GIT2: variants seen among roughly 807,000 people sequenced by gnomAD.
GIT2 encodes GIT ArfGAP 2, also known as ARF GTPase-activating protein GIT2.
A neutral mutation model predicts 100.3 loss-of-function variants in GIT2; 32 were observed. The observed-to-expected ratio is 0.32, with a 90% confidence interval of 0.24 to 0.43. The LOEUF is 0.43. GIT2 is among the 20% of genes least tolerant of loss of function. GIT2 has a pLI of 1.00. For synonymous variants in GIT2, 353 were observed against 364.1 expected (o/e 0.97, Z 0.35); for missense variants, 737 against 975.1 (o/e 0.76, Z 3.25).
chr12:109,938,669 G>A, intron 17 of GIT2, 101 bp from the exon 18 acceptor site: 1 of 794,268 alleles, frequency 1.3e-6, no homozygotes, highest in Non-Finnish European at 2.0e-6. Flanking sequence ...GCATGAGCAG[G>A]CTGGTCTCGT....
chr12:109,991,502 AT>A (rs1261235677), intron 2 of GIT2, 124 bp downstream of exon 2: 5 of 711,848 alleles, frequency 7.0e-6, no homozygotes, highest in Non-Finnish European at 1.2e-5. Flanking sequence ...TGGGCATGCC[AT>A]CTCTATTCAA....
chr12:109,981,421 AG>A (rs1886298597), intron 6 of GIT2: 1 of 204,192 alleles, frequency 4.9e-6, no homozygotes, highest in Admixed American at 5.4e-5. Flanking sequence ...TACCATGTGC[AG>A]GCCCCACCCT....
At chr12:109,997,587 TAAAGAA>T (rs1042752410), upstream of GIT2, 42 of 151,866 alleles carry the variant, frequency 2.8e-4, no homozygotes, top group Admixed American at 2.2e-3. Context: ...GAGAGGGAAA[TAAAGAA>T]AAAGAGGAAG....
At chr12:109,969,996 T>C (rs1254148117) in intron 7 of GIT2, among the ~76,000 whole-genome samples, 2 of 152,038 alleles carry the variant, frequency 1.3e-5, no homozygotes, top group Non-Finnish European at 2.9e-5. Flanking sequence ...CCTCAGGTGA[T>C]CCACCCGCCT....
intron 12 of GIT2, among the ~76,000 whole-genome samples, chr12:109,958,611 T>G (rs1880223136): frequency 6.6e-6 from 1 of 152,182 alleles, no homozygotes; most frequent in Admixed American, 6.5e-5. Flanking sequence ...AATAAACCTT[T>G]TCAGAACTTC....
chr12:109,990,319 G>A (rs535334570), intron 2 of GIT2, among the ~76,000 whole-genome samples: 1 of 152,004 alleles, frequency 6.6e-6, no homozygotes, highest in Non-Finnish European at 1.5e-5. Flanking sequence ...GTTGCTTTAG[G>A]GTCAACCCTG....
chr12:109,959,941 A>C lies in GIT2; in HGVS notation c.1005T>G (p.Ala335=). The change falls in exon 12 of 20, where the codon GCT becomes GCG. Residue 335 remains alanine, a synonymous_variant. Transcript: ENST00000355312. ...TGGCAAACTCATGGGCGTTGAACCG[A>C]GCTAACTTCTGTCTGCCCTAAAGGT... ...STRNQGRQKL[A]RFNAHEFATL... 6.2e-7 allele frequency: 1 copy of C among 1,612,780 alleles called. No individual in the cohort carries two copies. Among genetic ancestry groups the C allele is most frequent in the Non-Finnish European group, 8.5e-7 (1 of 1,178,726 alleles).
chr12:109,933,942 A>C lies in GIT2; in HGVS notation c.2067+80T>G. 1 of 822,860 alleles carries C rather than the reference A, an allele frequency of 1.2e-6. No individual in the cohort carries two copies. Among genetic ancestry groups the C allele is most frequent in the Non-Finnish European group, 2.2e-6 (1 of 459,736 alleles). The allele number at this position is 822,860 out of a possible 1,614,324, so 51.0% of individuals were successfully genotyped here. ...AAACTGCATGTGCTACAAAAAAGCT[A>C]ATGTAATATATAGGTCATAAAGAAA... is the stretch of plus-strand genomic sequence containing the variant. On this transcript the variant is annotated intron_variant, in intron 19 of 19. Coordinates refer to ENST00000355312, the MANE Select transcript of GIT2 (RefSeq NM_057169.5). The surrounding 1 kb of genome is among the most constrained non-coding windows in gnomAD (Gnocchi z 4.5).
Position 109,939,150 on chromosome 12 carries a change from G to A in GIT2, c.1814+15C>T, listed in dbSNP as rs920680760. ...GGGGAGCCCCTCCCCTGGCACGCTC[G>A]TCCTGTGCATGTACCCCATGCCATC... On this transcript the variant is annotated intron_variant, in intron 17 of 19. Coordinates refer to ENST00000355312, the MANE Select transcript of GIT2 (RefSeq NM_057169.5). 1.0e-5 allele frequency: 16 copies of A among 1,559,716 alleles called. No homozygotes were observed. The highest frequency in any genetic ancestry group is 4.5e-5 in the East Asian group (2 of 44,566).
upstream of GIT2, chr12:109,997,409 C>G (rs943463550): frequency 6.6e-6 from 1 of 151,830 alleles, no homozygotes; most frequent in East Asian, 1.9e-4. Context: ...ACAAAAATAA[C>G]AAAAAAGAAT....
intron 7 of GIT2, among the ~76,000 whole-genome samples, chr12:109,971,267 A>G (rs1171375692): frequency 2.0e-5 from 3 of 152,150 alleles, no homozygotes; most frequent in Non-Finnish European, 2.9e-5. Flanking sequence ...AGTTTTTGGC[A>G]TATAGATACT....
intron 17 of GIT2, 95 bp downstream of exon 17, chr12:109,939,070 G>A (rs1255682946): frequency 8.2e-6 from 6 of 735,104 alleles, no homozygotes; most frequent in Non-Finnish European, 1.5e-5. Context: ...TAGAGAAAAG[G>A]GGTGTGTGTG....
upstream of GIT2, chr12:109,996,387 G>A (rs1889437884): frequency 1.8e-6 from 1 of 542,274 alleles, no homozygotes; most frequent in Non-Finnish European, 3.2e-6. Flanking sequence ...CGCGCGGGGA[G>A]GTGCCCTTCG....
chr12:109,978,698 C>A (rs1240931698), intron 7 of GIT2, among the ~76,000 whole-genome samples: 2 of 152,128 alleles, frequency 1.3e-5, no homozygotes, highest in East Asian at 3.8e-4. Flanking sequence ...CTATTTGGTT[C>A]TCTTCTGTAT....
At chr12:109,935,940 A>C (rs1872840896) in intron 18 of GIT2, among the ~76,000 whole-genome samples, 2 of 152,220 alleles carry the variant, frequency 1.3e-5, no homozygotes, top group Non-Finnish European at 2.9e-5. Context: ...TTCCTCAAAA[A>C]GGTTTTCGTG....
chr12:109,989,150 A>T, intron 3 of GIT2, 82 bp from the exon 4 acceptor site: 1 of 844,416 alleles, frequency 1.2e-6, no homozygotes, highest in Non-Finnish European at 2.1e-6. Flanking sequence ...AAGAAGAGGA[A>T]GTGACCCACA....
rs968280672 is a variant in GIT2, at chr12:109,981,194, G to A, written c.624-148C>T. 4.7e-6 allele frequency: 3 copies of A among 639,706 alleles called. No homozygotes were observed. In the African/African-American group the frequency reaches 5.4e-5, roughly 12 times the overall value. The allele number at this position is 639,706 out of a possible 1,614,324, so 39.6% of individuals were successfully genotyped here. On this transcript the variant is annotated intron_variant, in intron 6 of 19. Transcript: ENST00000355312. Reference sequence around the variant, plus strand: ...ACCTTCTTGTGGTAGGTAGATTTCTGAAGTCTACTTTGCATCCCACTTTTA... The same window carrying A: ...ACCTTCTTGTGGTAGGTAGATTTCTAAAGTCTACTTTGCATCCCACTTTTA...
intron 7 of GIT2, among the ~76,000 whole-genome samples, chr12:109,969,411 C>T (rs1407308486): frequency 1.3e-5 from 2 of 152,148 alleles, no homozygotes; most frequent in Non-Finnish European, 2.9e-5. Flanking sequence ...TGGTGATCCA[C>T]CTGCCTTGGC....
chr12:109,952,532 G>A (rs1878186840), intron 13 of GIT2: 1 of 518,908 alleles, frequency 1.9e-6, no homozygotes, highest in African/African-American at 1.9e-5. Flanking sequence ...GCAGCTTCGA[G>A]TCCCAACCTT....
Sources: gnomAD v4.1 joint callset for allele counts (sites outside exome capture counted in the v4.1 genomes callset) on GRCh38, gnomAD v4.1.1 for gene constraint, Gnocchi (gnomAD v3.1) non-coding constraint, MANE v1.5 for transcripts, NCBI Gene and HGNC (gene_info 2026-07-23, HGNC 2026-07-21) for gene names.